The following FLRT1 variants were observed in gnomAD, a reference collection of about 807,000 sequenced individuals.
FLRT1 encodes fibronectin leucine rich transmembrane protein 1, also known as leucine-rich repeat transmembrane protein FLRT1.
FLRT1 carries 14 observed loss-of-function variants against 30.9 expected under a neutral mutation model. The observed-to-expected ratio is 0.45, with a 90% CI of 0.30 to 0.71. FLRT1 has a LOEUF of 0.71. Among genes scored for constraint, FLRT1 ranks in the 30% least tolerant of loss-of-function variants. The pLI is 0.08. For missense variants in FLRT1, 737 were observed against 949.2 expected, an observed-to-expected ratio of 0.78 and a Z score of 2.94; for synonymous variants, 368 against 430.4, an observed-to-expected ratio of 0.85 and a Z score of 1.80.
At chr11:64,079,012 G>A (rs1944256610) in intron 1 of FLRT1, among the ~76,000 whole-genome samples, 1 of 152,130 alleles carries the variant, frequency 6.6e-6, no homozygotes, top group African/African-American at 2.4e-5. Flanking sequence ...AGGGGAGGGT[G>A]GTGATGGGAC....
At chr11:64,059,140 T>C (rs1943848704) in intron 1 of FLRT1, among the ~76,000 whole-genome samples, 1 of 152,146 alleles carries the variant, frequency 6.6e-6, no homozygotes, top group Admixed American at 6.5e-5. Context: ...GGTCCTTCTC[T>C]TCCTCTTCTG....
chr11:64,060,018 C>T (rs920275053), intron 1 of FLRT1, among the ~76,000 whole-genome samples: 1 of 152,306 alleles, frequency 6.6e-6, no homozygotes, highest in Non-Finnish European at 1.5e-5. Context: ...CAGGGGCCCC[C>T]CTCCCACACG....
chr11:64,068,911 TCCGTGTGAACCCCCACCCCAGAG>T (rs1266911386), intron 1 of FLRT1, among the ~76,000 whole-genome samples: 2 of 152,208 alleles, frequency 1.3e-5, no homozygotes, highest in Non-Finnish European at 2.9e-5. Flanking sequence ...GAAATGGGCA[TCCGTGTGAACCCCCACCCCAGAG>T]TGGCCCAGGT....
intron 2 of FLRT1, among the ~76,000 whole-genome samples, chr11:64,115,753 G>A (rs1429726394): frequency 1.3e-5 from 2 of 152,130 alleles, no homozygotes; most frequent in African/African-American, 2.4e-5. Flanking sequence ...CGTGCTCCTC[G>A]TGCAGTGCCA....
chr11:64,093,484 TATGG>T (rs1944525952), intron 1 of FLRT1, among the ~76,000 whole-genome samples: 1 of 152,232 alleles, frequency 6.6e-6, no homozygotes, highest in Non-Finnish European at 1.5e-5. Flanking sequence ...GTAGACTAGG[TATGG>T]ATGCCCCTGG....
chr11:64,085,005 T>C (rs1944369249), intron 1 of FLRT1, among the ~76,000 whole-genome samples: 1 of 152,182 alleles, frequency 6.6e-6, no homozygotes, highest in African/African-American at 2.4e-5. Context: ...TGCCTTACTA[T>C]AACAATGGGT....
At chr11:64,044,230 G>A (rs1462427890) in intron 1 of FLRT1, among the ~76,000 whole-genome samples, 2 of 151,896 alleles carry the variant, frequency 1.3e-5, no homozygotes, top group Admixed American at 1.3e-4. Flanking sequence ...TGTACCTGGT[G>A]GTTGGCAGTT....
intron 1 of FLRT1, among the ~76,000 whole-genome samples, chr11:64,042,574 A>G (rs915177750): frequency 1.6e-4 from 25 of 152,116 alleles, no homozygotes; most frequent in African/African-American, 4.3e-4. Context: ...TGGCTAGCCA[A>G]TGGGGGGCTG....
chr11:64,074,057 C>A (rs1944157561), intron 1 of FLRT1, among the ~76,000 whole-genome samples: 1 of 152,178 alleles, frequency 6.6e-6, no homozygotes, highest in African/African-American at 2.4e-5. Context: ...GCCCGGCCAG[C>A]TGGGGATGGG....
At chr11:64,061,873 C>CTTTT (rs57666180) in intron 1 of FLRT1, among the ~76,000 whole-genome samples, 41 of 99,106 alleles carry the variant, frequency 4.1e-4, no homozygotes, top group Admixed American at 6.3e-4. Context: ...ACCACGCTGG[C>CTTTT]TTTTTTTTTT....
intron 1 of FLRT1, among the ~76,000 whole-genome samples, chr11:64,075,828 A>G (rs1171219514): frequency 6.6e-6 from 1 of 152,190 alleles, no homozygotes; most frequent in Non-Finnish European, 1.5e-5. Flanking sequence ...TTGAGCCACC[A>G]TGCCCAGCTA....
intron 1 of FLRT1, among the ~76,000 whole-genome samples, chr11:64,046,950 C>T (rs777257458): frequency 1.3e-5 from 2 of 152,238 alleles, no homozygotes; most frequent in Non-Finnish European, 2.9e-5. Context: ...CCATCAGTGG[C>T]TCTCTAGTTC....
intron 1 of FLRT1, among the ~76,000 whole-genome samples, chr11:64,072,415 G>A (rs908853198): frequency 2.4e-4 from 35 of 148,648 alleles, no homozygotes; most frequent in African/African-American, 7.1e-4. Flanking sequence ...CAGCTGATCC[G>A]GCTCATTTAA....
At chr11:64,098,291 G>A (rs556698756) in intron 1 of FLRT1, among the ~76,000 whole-genome samples, 12 of 152,134 alleles carry the variant, frequency 7.9e-5, no homozygotes, top group Non-Finnish European at 1.3e-4. Context: ...GCTTCAGCTC[G>A]GATCACGGCC....
At chr11:64,052,346 TA>T (rs1206055826) in intron 1 of FLRT1, among the ~76,000 whole-genome samples, 1 of 152,206 alleles carries the variant, frequency 6.6e-6, no homozygotes, top group African/African-American at 2.4e-5. Context: ...AAAGAGTTTT[TA>T]AAAATTTTTA....
rs371817721 is a variant in FLRT1 at position 64,116,941 on chromosome 11, G to A, written c.674G>A (p.Arg225Gln). 26 of 1,611,266 alleles carry A rather than the reference G, an allele frequency of 1.6e-5. No individual in the cohort carries two copies. In the East Asian group the frequency reaches 3.8e-4, roughly 23 times the overall value. ...LHAFKGLNSL[R>Q]RLVLDGNLLA... ...GCCTTCAAGGGCCTCAACAGCCTGC[G>A]GCGCCTGGTGCTGGACGGTAACCTG... is the stretch of plus-strand genomic sequence containing the variant. Residue 225 changes from arginine to glutamine, a missense_variant, in exon 3 of 3, where the codon CGG becomes CAG. Coordinates refer to ENST00000682287, the MANE Select transcript of FLRT1 (RefSeq NM_013280.5).
rs1347088424 is a variant in FLRT1, at chr11:64,103,741, G to A, written c.-490G>A. 4 of 152,274 alleles carry A rather than the reference G, an allele frequency of 2.6e-5. No individual in the cohort carries two copies. The highest frequency in any genetic ancestry group is 2.6e-4 in the Admixed American group (4 of 15,290). The allele number at this position is 152,274 out of a possible 1,614,324, so 9.4% of individuals were successfully genotyped here. A position where few individuals can be genotyped will look rare whatever the true frequency, so the allele number is the denominator to read the frequency against. ...CACCCTGCTCAGGGCTGGGTGCCAG[G>A]CCACAGGGCATGCCCGACGAACAGG... On this transcript the variant is annotated 5_prime_UTR_variant, in exon 2 of 3. Transcript: ENST00000682287.
intron 1 of FLRT1, among the ~76,000 whole-genome samples, chr11:64,046,989 A>G (rs1943596196): frequency 6.6e-6 from 1 of 152,146 alleles, no homozygotes; most frequent in African/African-American, 2.4e-5. Flanking sequence ...TCAGCCTGGC[A>G]TTTCAGACCT....
chr11:64,046,184 CCT>C (rs1943581031), intron 1 of FLRT1, among the ~76,000 whole-genome samples: 1 of 152,162 alleles, frequency 6.6e-6, no homozygotes, highest in Non-Finnish European at 1.5e-5. Context: ...GCCTCCTGAG[CCT>C]CTGTTCTCCA....
Sources: gnomAD v4.1 joint callset for allele counts (sites outside exome capture counted in the v4.1 genomes callset) on GRCh38, gnomAD v4.1.1 for gene constraint, MANE v1.5 for transcripts, NCBI Gene and HGNC (gene_info 2026-07-23, HGNC 2026-07-21) for gene names.